Variants in SMG1 observed in about 807,000 individuals in gnomAD.
SMG1 encodes the protein SMG1 nonsense mediated mRNA decay associated PI3K related kinase, also known as serine/threonine-protein kinase SMG1.
A neutral mutation model predicts 419.9 loss-of-function variants in SMG1; 22 were observed. The observed-to-expected ratio is 0.05, with a 90% CI of 0.04 to 0.07. SMG1 has a LOEUF of 0.07. Ranked by LOEUF, SMG1 falls within the 10% of genes least tolerant of loss-of-function variation. SMG1 has a pLI of 1.00. For synonymous variants in SMG1, 1,538 were observed against 1,553.5 expected (o/e 0.99, Z 0.23); for missense variants, 3,185 against 4,342.0 (o/e 0.73, Z 7.49).
At chr16:18,820,493 C>G (rs1286191846) in intron 55 of SMG1, among the ~76,000 whole-genome samples, 12 of 152,232 alleles carry the variant, frequency 7.9e-5, no homozygotes, top group African/African-American at 2.2e-4. Flanking sequence ...CATGAACCAC[C>G]ATGCCTGGCC....
chr16:18,888,478 CT>C (rs142087294), intron 6 of SMG1, among the ~76,000 whole-genome samples: 43,604 of 139,980 alleles, frequency 0.31, 6,713 homozygotes, highest in Non-Finnish European at 0.38. Flanking sequence ...GAAAAAAATC[CT>C]TTTTTTTTTT....
At chr16:18,827,888 C>G (rs2032861445) in intron 55 of SMG1, 143 bp downstream of exon 55, 2 of 468,434 alleles carry the variant, frequency 4.3e-6, no homozygotes, top group East Asian at 4.8e-5. Context: ...AAATTAAAAG[C>G]AAAAGTGAAA....
chr16:18,854,800 G>A lies in SMG1; in HGVS notation c.4339C>T (p.Gln1447Ter). Reference protein sequence around the residue: ...NVSLATRLLAQCSEVQLGKTT... With the variant: ...NVSLATRLLA ...TTTCCCAGCTGAACTTCACTGCACTGTGCCAGCAGTCTTGTTGCAAGGGAC... is the reference window on the plus strand; with the variant it reads ...TTTCCCAGCTGAACTTCACTGCACTATGCCAGCAGTCTTGTTGCAAGGGAC... The change falls in exon 30 of 63, where the codon CAG (glutamine) becomes TAG (stop). Residue 1447 changes from glutamine to a stop codon, truncating the protein, a stop_gained. Coordinates refer to ENST00000446231, the MANE Select transcript of SMG1 (RefSeq NM_015092.5). LOFTEE classifies it high-confidence loss of function. 1 of 1,614,014 alleles carries A rather than the reference G, an allele frequency of 6.2e-7. No individual in the cohort carries two copies. Among genetic ancestry groups the A allele is most frequent in the Non-Finnish European group, 8.5e-7 (1 of 1,179,898 alleles).
chr16:18,901,295 C>T (rs899975089), intron 1 of SMG1, among the ~76,000 whole-genome samples: 11 of 152,158 alleles, frequency 7.2e-5, no homozygotes, highest in African/African-American at 2.4e-4. Context: ...ATGACCATAG[C>T]TCACTGCAGC....
In SMG1 at chr16:18,806,408, C is replaced by T. The variant is rs181028091; in HGVS notation, c.*3161G>A. The T allele has an allele frequency of 6.5e-5, 10 of 152,724 alleles. No individual in the cohort carries two copies. The highest frequency in any genetic ancestry group is 2.4e-4 in the African/African-American group (10 of 41,566). 9.5% of individuals were successfully genotyped at this position (152,724 alleles called of 1,614,324 possible). ...GATCAAGAGCCTGATTATCAGTTCT[C>T]ACATGGAAATCTCAACAGATTTCAA... On this transcript the variant is annotated 3_prime_UTR_variant, in exon 63 of 63. Coordinates refer to ENST00000446231, the MANE Select transcript of SMG1 (RefSeq NM_015092.5).
chr16:18,818,740 A>G (rs929484907), intron 56 of SMG1, among the ~76,000 whole-genome samples: 7 of 148,244 alleles, frequency 4.7e-5, no homozygotes, highest in African/African-American at 1.5e-4. Flanking sequence ...TTTTGTACTT[A>G]GTTGAAAATG....
chr16:18,910,436 G>C (rs556953896), intron 1 of SMG1, among the ~76,000 whole-genome samples: 2 of 151,294 alleles, frequency 1.3e-5, no homozygotes, highest in South Asian at 4.2e-4. Context: ...TCACCAGGTT[G>C]GTCAGGCTGC....
rs2031090437 is a variant in SMG1 at position 18,808,769 on chromosome 16, A to G, written c.*800T>C. Reference sequence around the variant, plus strand: ...TTGTGTGTGATCATCAGACCTTTAAACAATCCTTGAATTTTCCATGTTATC... The same window carrying G: ...TTGTGTGTGATCATCAGACCTTTAAGCAATCCTTGAATTTTCCATGTTATC... On this transcript the variant is annotated 3_prime_UTR_variant, in exon 63 of 63. Coordinates refer to ENST00000446231, the MANE Select transcript of SMG1 (RefSeq NM_015092.5). 1 of 152,658 alleles carries G rather than the reference A, an allele frequency of 6.6e-6. No individual in the cohort carries two copies. Among genetic ancestry groups the G allele is most frequent in the South Asian group, 2.1e-4 (1 of 4,832 alleles). 9.5% of individuals were successfully genotyped at this position (152,658 alleles called of 1,614,324 possible).
intron 42 of SMG1, among the ~76,000 whole-genome samples, chr16:18,839,173 A>G (rs888459350): frequency 2.2e-4 from 34 of 151,894 alleles, no homozygotes; most frequent in Non-Finnish European, 4.9e-4. Flanking sequence ...TTAAATATTG[A>G]TTTTATTTAA....
intron 1 of SMG1, among the ~76,000 whole-genome samples, chr16:18,918,341 C>T (rs1164804525): frequency 6.6e-6 from 1 of 152,182 alleles, no homozygotes; most frequent in African/African-American, 2.4e-5. Flanking sequence ...GTTCCCAACC[C>T]AGTGCTTCAG....
In SMG1 at chr16:18,859,113, G is replaced by T; in HGVS notation, c.4022C>A (p.Thr1341Lys). 1 of 1,529,486 alleles carries T rather than the reference G, an allele frequency of 6.5e-7. No homozygotes were observed. The highest frequency in any genetic ancestry group is 2.4e-5 in the East Asian group (1 of 41,408). The allele number at this position is 1,529,486 out of a possible 1,614,324, so 94.7% of individuals were successfully genotyped here. Residue 1341 changes from threonine (T) to lysine (K), a missense_variant, in exon 28 of 63, where the codon ACA (threonine) becomes AAA (lysine). Around this residue, in one of 27 missense-constraint regions of SMG1, gnomAD observed 120 missense variants for 193.3 expected, o/e 0.62. Coordinates refer to ENST00000446231, the MANE Select transcript of SMG1 (RefSeq NM_015092.5). Reference sequence around the variant, plus strand: ...TAGAACTGGCAAAGACTGTGAAACTGTTAAAGTAGAAAGTCTCAGAGGTCC... The same window carrying T: ...TAGAACTGGCAAAGACTGTGAAACTTTTAAAGTAGAAAGTCTCAGAGGTCC... ...AIGPLRLSTL[T>K]VSQSLPVLST...
intron 38 of SMG1, 88 bp downstream of exon 38, chr16:18,847,365 A>T: frequency 6.9e-7 from 1 of 1,443,324 alleles, no homozygotes; most frequent in African/African-American, 1.4e-5. Flanking sequence ...TTGTACACTT[A>T]AAAATTAAAA....
At chr16:18,883,318 G>A (rs543263394) in intron 9 of SMG1, among the ~76,000 whole-genome samples, 6 of 152,296 alleles carry the variant, frequency 3.9e-5, no homozygotes, top group South Asian at 2.1e-4. Flanking sequence ...TGCTATATTC[G>A]TACAGCCACA....
chr16:18,806,036 G>A lies in SMG1; in HGVS notation c.*3533C>T, dbSNP rs1478281058. The A allele has an allele frequency of 2.0e-5, 3 of 152,518 alleles. No homozygotes were observed. The highest frequency in any genetic ancestry group is 1.5e-5 in the Non-Finnish European group (1 of 68,016). The allele number at this position is 152,518 out of a possible 1,614,324, so 9.4% of individuals were successfully genotyped here. A position where few individuals can be genotyped will look rare whatever the true frequency, so the allele number is the denominator to read the frequency against. ...AATTACAAAAATGTAGAGGAAAATA[G>A]GCCCGGAAGACTTTGCAATTTAAAG... On this transcript the variant is annotated 3_prime_UTR_variant, in exon 63 of 63. Coordinates refer to ENST00000446231, the MANE Select transcript of SMG1 (RefSeq NM_015092.5).
intron 38 of SMG1, among the ~76,000 whole-genome samples, chr16:18,846,265 G>C (rs893930640): frequency 1.3e-5 from 2 of 152,072 alleles, no homozygotes; most frequent in African/African-American, 4.8e-5. Context: ...TTAAAAGCTA[G>C]AACTACAAAA....
Position 18,859,884 on chromosome 16 carries a change from C to T in SMG1, c.3806-181G>A, listed in dbSNP as rs1171345071. On this transcript the variant is annotated intron_variant, in intron 26 of 62. Transcript: ENST00000446231. ...TCATACTTCATACAAAATTACTGTA[C>T]CTCAGACCCCTAAAAAGCAGTTGCC... Among the ~76,000 whole-genome samples, 6 of 152,110 alleles carry T rather than the reference C, an allele frequency of 3.9e-5. No homozygotes were observed. The East Asian group carries it at 1.2e-3, about 29-fold the overall frequency.
chr16:18,851,265 C>A lies in SMG1; in HGVS notation c.5053-798G>T, dbSNP rs537754570. On this transcript the variant is annotated intron_variant, in intron 33 of 62. Coordinates refer to ENST00000446231, the MANE Select transcript of SMG1 (RefSeq NM_015092.5). ...AAATCCATGCCTTTGAGGACTGCAA[C>A]TAAATAATATATTGCTTTGGCATTC... 1.2e-4 allele frequency among the ~76,000 whole-genome samples: 19 copies of A among 152,340 alleles called. No individual in the cohort carries two copies. The South Asian group carries it at 3.9e-3, about 32-fold the overall frequency.
rs114668983 is a variant in SMG1, at chr16:18,819,201, T to G, written c.9894+301A>C. ...ACCTTTCCAAATCTTTGGATCACTT[T>G]AGTTGTATAAAAGAGACCCAGAGAA... On this transcript the variant is annotated intron_variant, in intron 56 of 62. Coordinates refer to ENST00000446231, the MANE Select transcript of SMG1 (RefSeq NM_015092.5). Among the ~76,000 whole-genome samples, 264 of 152,340 alleles carry G rather than the reference T, an allele frequency of 1.7e-3. 3 individuals are homozygous for G. Among genetic ancestry groups the G allele is most frequent in the African/African-American group, 5.9e-3 (245 of 41,580 alleles).
chr16:18,880,916 C>A (rs1328464179), intron 10 of SMG1, among the ~76,000 whole-genome samples: 1 of 147,302 alleles, frequency 6.8e-6, no homozygotes, highest in Non-Finnish European at 1.5e-5. Context: ...CACTTGAGCC[C>A]AAGAGATAGA....
Sources: allele counts gnomAD v4.1 joint callset (sites outside exome capture counted in the v4.1 genomes callset), GRCh38; gene constraint gnomAD v4.1.1; regional missense constraint gnomAD v4.1.1; transcripts MANE v1.5; gene names NCBI Gene and HGNC (gene_info 2026-07-23, HGNC 2026-07-21).